The following NKAIN3 variants were observed in gnomAD, a reference collection of about 807,000 sequenced individuals.
The protein encoded by NKAIN3 is sodium/potassium transporting ATPase interacting 3, also known as sodium/potassium-transporting ATPase subunit beta-1-interacting protein 3.
NKAIN3 carries 25 observed loss-of-function variants against 30.2 expected under a neutral mutation model. The observed-to-expected ratio is 0.83, with a 90% CI of 0.60 to 1.16. The LOEUF (loss-of-function observed/expected upper bound fraction) is 1.16, where lower values mean the gene tolerates loss of function less well. Among genes scored for constraint, NKAIN3 ranks in the 50% most tolerant of loss-of-function variants. NKAIN3 has a pLI of 0.00. For synonymous variants in NKAIN3, 91 were observed against 89.6 expected (o/e 1.02, Z -0.09); for missense variants, 225 against 254.1 (o/e 0.89, Z 0.78).
chr8:62,682,228 A>C (rs1316300751), intron 3 of NKAIN3, among the ~76,000 whole-genome samples: 3 of 152,134 alleles, frequency 2.0e-5, no homozygotes, highest in African/African-American at 4.8e-5. Context: ...GGAAACCTAA[A>C]GATCCAGATT....
At chr8:62,574,531 A>G (rs1810046678) in intron 1 of NKAIN3, among the ~76,000 whole-genome samples, 1 of 152,166 alleles carries the variant, frequency 6.6e-6, no homozygotes, top group South Asian at 2.1e-4. Flanking sequence ...ATTATACTAC[A>G]GAGCTATAGT....
At chr8:62,953,107 A>G (rs151161459) in intron 5 of NKAIN3, among the ~76,000 whole-genome samples, 3 of 152,124 alleles carry the variant, frequency 2.0e-5, no homozygotes, top group Middle Eastern at 3.4e-3. Context: ...CATATCCTCC[A>G]TTTAGCAAAC....
intron 1 of NKAIN3, among the ~76,000 whole-genome samples, chr8:62,537,659 T>C (rs543824015): frequency 3.3e-5 from 5 of 152,220 alleles, no homozygotes; most frequent in African/African-American, 1.2e-4. Flanking sequence ...CCCCCTTTTG[T>C]TTATTCAACA....
chr8:62,830,181 AC>A (rs1332607286), intron 4 of NKAIN3, among the ~76,000 whole-genome samples: 3 of 152,170 alleles, frequency 2.0e-5, no homozygotes, highest in Non-Finnish European at 4.4e-5. Flanking sequence ...ATTTTCAGAA[AC>A]CTATATTTTC....
At chr8:62,921,845 T>C (rs1822287738) in intron 5 of NKAIN3, among the ~76,000 whole-genome samples, 1 of 152,224 alleles carries the variant, frequency 6.6e-6, no homozygotes, top group South Asian at 2.1e-4. Context: ...TTACTACTTG[T>C]TAGACTTTCC....
chr8:62,725,360 G>A (rs979134889), intron 3 of NKAIN3, among the ~76,000 whole-genome samples: 3 of 152,226 alleles, frequency 2.0e-5, no homozygotes, highest in Admixed American at 2.0e-4. Context: ...TTGCTGTGCA[G>A]AAGCTTTTTA....
At chr8:62,687,215 G>A (rs1168235105) in intron 3 of NKAIN3, among the ~76,000 whole-genome samples, 1 of 152,218 alleles carries the variant, frequency 6.6e-6, no homozygotes, top group Non-Finnish European at 1.5e-5. Flanking sequence ...AGGAATATGT[G>A]TGTTTTCATT....
chr8:62,364,081 T>C (rs1816651528), intron 1 of NKAIN3, among the ~76,000 whole-genome samples: 1 of 152,222 alleles, frequency 6.6e-6, no homozygotes, highest in African/African-American at 2.4e-5. Context: ...AATTTTTTCA[T>C]GTATGCTTTT....
intron 1 of NKAIN3, among the ~76,000 whole-genome samples, chr8:62,258,810 A>G (rs1055829590): frequency 3.3e-5 from 5 of 152,254 alleles, no homozygotes; most frequent in African/African-American, 7.2e-5. Context: ...CTAGAGAGAC[A>G]TAGACCTTCC....
intron 3 of NKAIN3, among the ~76,000 whole-genome samples, chr8:62,742,854 C>G (rs1289016560): frequency 6.6e-6 from 1 of 152,154 alleles, no homozygotes; most frequent in Non-Finnish European, 1.5e-5. Context: ...ACTCACAGTT[C>G]AGCATGGCTG....
chr8:62,345,564 C>CATATATACACATATATGT (rs2129591331), intron 1 of NKAIN3, among the ~76,000 whole-genome samples: 1 of 133,048 alleles, frequency 7.5e-6, no homozygotes, highest in Middle Eastern at 3.5e-3. Flanking sequence ...TATATATACA[C>CATATATACACATATATGT]ATATATACAC....
intron 1 of NKAIN3, among the ~76,000 whole-genome samples, chr8:62,408,217 TCA>T (rs901427853): frequency 3.3e-5 from 5 of 152,248 alleles, no homozygotes; most frequent in African/African-American, 1.2e-4. Context: ...ACATTACTTA[TCA>T]CAGTAGATTT....
At chr8:62,898,406 T>C (rs1821503018) in intron 4 of NKAIN3, among the ~76,000 whole-genome samples, 1 of 152,126 alleles carries the variant, frequency 6.6e-6, no homozygotes, top group Middle Eastern at 3.2e-3. Flanking sequence ...AAATAATGTC[T>C]TCTGCAGCAA....
intron 1 of NKAIN3, among the ~76,000 whole-genome samples, chr8:62,324,178 TTAA>T (rs1254369684): frequency 6.6e-6 from 1 of 152,038 alleles, no homozygotes; most frequent in Non-Finnish European, 1.5e-5. Context: ...TTGCTAAATC[TTAA>T]TAAGAGTGTA....
At chr8:62,741,420 A>AAGGAAGGAAGGAAGGC (rs1189442434) in intron 3 of NKAIN3, among the ~76,000 whole-genome samples, 4 of 136,356 alleles carry the variant, frequency 2.9e-5, no homozygotes, top group East Asian at 2.1e-4. Context: ...GGAAGGAAGG[A>AAGGAAGGAAGGAAGGC]AGGCAGGCAA....
intron 4 of NKAIN3, among the ~76,000 whole-genome samples, chr8:62,838,004 T>C (rs1377382378): frequency 6.6e-5 from 10 of 151,984 alleles, no homozygotes; most frequent in Non-Finnish European, 1.0e-4. Flanking sequence ...AAAGTAAGGA[T>C]AAACTCTTTT....
rs56034470 is a variant in NKAIN3, at chr8:62,973,510, A to G, written c.*8103A>G. Among the ~76,000 whole-genome samples, 16,278 of 151,468 alleles carry G rather than the reference A, an allele frequency of 0.11. 920 individuals carry two copies. The highest frequency in any genetic ancestry group is 0.17 in the South Asian group (821 of 4,796). On this transcript the variant is annotated 3_prime_UTR_variant, in exon 7 of 7. Transcript: ENST00000623646. ...ATATCCTTAACCCACTTTTTGATGG[A>G]GTTGTTTTTTTTCTTGTAAATTTGT...
At chr8:62,451,216 T>C (rs1328301241) in intron 1 of NKAIN3, among the ~76,000 whole-genome samples, 1 of 151,854 alleles carries the variant, frequency 6.6e-6, no homozygotes, top group Non-Finnish European at 1.5e-5. Context: ...TCGCCTTCTC[T>C]TCTCTTCTCT....
At chr8:62,589,661 G>A (rs1810589299) in intron 2 of NKAIN3, 53 bp from the exon 3 acceptor site, 2 of 741,286 alleles carry the variant, frequency 2.7e-6, no homozygotes, top group Non-Finnish European at 4.7e-6. Context: ...TGATATACAT[G>A]CCTTTCATCT....
Sources: allele counts gnomAD v4.1 joint callset (sites outside exome capture counted in the v4.1 genomes callset), GRCh38; gene constraint gnomAD v4.1.1; transcripts MANE v1.5; gene names NCBI Gene and HGNC (gene_info 2026-07-23, HGNC 2026-07-21).